The following OR6N1 variants were observed in gnomAD, a reference collection of about 807,000 sequenced individuals.
OR6N1 encodes olfactory receptor 6N1.
For synonymous variants in OR6N1, 170 were observed against 150.7 expected (o/e 1.13, Z -0.94); for missense variants, 394 against 371.7 (o/e 1.06, Z -0.49).
At chr1:158,781,953 C>G in the OR6N1 span, among the ~76,000 whole-genome samples, 4 of 152,190 alleles carry the variant, frequency 2.6e-5, no homozygotes, top group Non-Finnish European at 4.4e-5. Context: ...AATAAAGTGT[C>G]CAACATCACA....
chr1:158,768,249 C>T (rs569680934), intron 1 of OR6N1, among the ~76,000 whole-genome samples: 3 of 152,158 alleles, frequency 2.0e-5, no homozygotes, highest in African/African-American at 7.2e-5. Context: ...CATCTAAATC[C>T]ATATCTCAGG....
the OR6N1 span, among the ~76,000 whole-genome samples, chr1:158,822,387 C>T: frequency 0.59 from 90,179 of 151,946 alleles, 27,360 homozygotes; most frequent in Non-Finnish European, 0.67. Flanking sequence ...TTGAGTAGTG[C>T]TTTGTAATTC....
At chr1:158,837,355 T>A in the OR6N1 span, among the ~76,000 whole-genome samples, 4 of 151,844 alleles carry the variant, frequency 2.6e-5, no homozygotes, top group Non-Finnish European at 5.9e-5. Context: ...TCCCTTCAAT[T>A]CTGTAAATGT....
chr1:158,803,673 C>T, the OR6N1 span, among the ~76,000 whole-genome samples: 3 of 152,204 alleles, frequency 2.0e-5, no homozygotes, highest in Non-Finnish European at 4.4e-5. Context: ...TTGGCATTGA[C>T]TGAATAAATT....
upstream of OR6N1, among the ~76,000 whole-genome samples, chr1:158,772,989 GAAGA>G (rs1352951290): frequency 1.3e-5 from 2 of 151,916 alleles, no homozygotes; most frequent in East Asian, 1.9e-4. Context: ...AAAGTATAAG[GAAGA>G]TTTACTTTCC....
the OR6N1 span, among the ~76,000 whole-genome samples, chr1:158,830,130 C>T: frequency 1.3e-5 from 2 of 152,186 alleles, no homozygotes; most frequent in African/African-American, 4.8e-5. Context: ...TGTCCTGAAA[C>T]ATGGTAACTC....
At chr1:158,792,084 G>A in the OR6N1 span, among the ~76,000 whole-genome samples, 1 of 152,150 alleles carries the variant, frequency 6.6e-6, no homozygotes, top group South Asian at 2.1e-4. Flanking sequence ...TCCAGAGTTA[G>A]ATACAGATAT....
chr1:158,777,784 G>C, the OR6N1 span: 72 of 587,218 alleles, frequency 1.2e-4, no homozygotes, highest in African/African-American at 1.1e-3. Context: ...TACTATTACT[G>C]TAAAAATATT....
the OR6N1 span, among the ~76,000 whole-genome samples, chr1:158,803,084 A>G: frequency 2.0e-5 from 3 of 152,312 alleles, no homozygotes; most frequent in East Asian, 1.9e-4. Flanking sequence ...AGCAGTTGCT[A>G]TATTAAATTT....
the OR6N1 span, chr1:158,831,205 T>C: frequency 6.6e-6 from 1 of 152,226 alleles, no homozygotes; most frequent in Non-Finnish European, 1.5e-5. Flanking sequence ...TTTACTGTCA[T>C]TTCTCCTTGT....
At chr1:158,773,138 G>A (rs1026768084), upstream of OR6N1, among the ~76,000 whole-genome samples, 1 of 150,180 alleles carries the variant, frequency 6.7e-6, no homozygotes, top group Non-Finnish European at 1.5e-5. Flanking sequence ...CTTCATCAAA[G>A]TTTATATTTT....
the OR6N1 span, among the ~76,000 whole-genome samples, chr1:158,801,181 G>C: frequency 6.6e-6 from 1 of 151,998 alleles, no homozygotes; most frequent in South Asian, 2.1e-4. Flanking sequence ...GTGTGTGTGT[G>C]TGTGTGTGTG....
At chr1:158,779,215 C>G in the OR6N1 span, among the ~76,000 whole-genome samples, 2 of 151,908 alleles carry the variant, frequency 1.3e-5, no homozygotes, top group Non-Finnish European at 2.9e-5. Flanking sequence ...AAAAAGAAAA[C>G]AATAACAAAA....
rs75024082 is a variant in OR6N1, at chr1:158,766,813, C to T, written c.-18-113G>A. ...CTTCTCTCACCTCCAGAGTAAAGCC[C>T]TCTAAGTAAATGCTTTGAGAGGTCA... is the stretch of plus-strand genomic sequence containing the variant. On this transcript the variant is annotated intron_variant, in intron 1 of 1. Transcript: ENST00000641846. 17 of 659,142 alleles carry T rather than the reference C, an allele frequency of 2.6e-5. No homozygotes were observed. In the Admixed American group the frequency reaches 4.7e-4, roughly 18 times the overall value. 40.8% of individuals were successfully genotyped at this position (659,142 alleles called of 1,614,324 possible).
At chr1:158,787,398 G>A in the OR6N1 span, among the ~76,000 whole-genome samples, 1 of 152,010 alleles carries the variant, frequency 6.6e-6, no homozygotes, top group Non-Finnish European at 1.5e-5. Flanking sequence ...TCCAAGAAAG[G>A]CCAAATACAC....
At chr1:158,826,909 G>A in the OR6N1 span, among the ~76,000 whole-genome samples, 1 of 152,082 alleles carries the variant, frequency 6.6e-6, no homozygotes, top group African/African-American at 2.4e-5. Context: ...CAAGAAATGA[G>A]GCTAGAGAAA....
the OR6N1 span, among the ~76,000 whole-genome samples, chr1:158,836,790 T>C: frequency 6.6e-6 from 1 of 151,854 alleles, no homozygotes; most frequent in African/African-American, 2.4e-5. Context: ...TTTAAGTTCC[T>C]TATGGTGTAA....
chr1:158,771,035 C>G (rs1389554158), intron 1 of OR6N1, among the ~76,000 whole-genome samples: 2 of 152,116 alleles, frequency 1.3e-5, no homozygotes, highest in African/African-American at 4.8e-5. Flanking sequence ...CAATGTTTGC[C>G]AAGTGGGTTT....
chr1:158,791,423 T>C, the OR6N1 span, among the ~76,000 whole-genome samples: 1 of 152,080 alleles, frequency 6.6e-6, no homozygotes, highest in African/African-American at 2.4e-5. Flanking sequence ...AATTGATTTC[T>C]AGTTTCATTT....
Sources: gnomAD v4.1 joint callset for allele counts (sites outside exome capture counted in the v4.1 genomes callset) on GRCh38, gnomAD v4.1.1 for gene constraint, MANE v1.5 for transcripts, NCBI Gene and HGNC (gene_info 2026-07-23, HGNC 2026-07-21) for gene names.